The following TENM2 variants were observed in gnomAD, a reference collection of about 807,000 sequenced individuals.
TENM2 encodes teneurin transmembrane protein 2, also known as teneurin-2.
Under a neutral mutation model 245.2 loss-of-function variants are expected in TENM2, and 52 were observed. The ratio of observed to expected loss-of-function variants is 0.21; its 90% confidence interval spans 0.17 to 0.27. The LOEUF is 0.27. Among genes scored for constraint, TENM2 ranks in the 10% least tolerant of loss-of-function variants. TENM2 has a pLI of 1.00. For synonymous variants in TENM2, 1,363 were observed against 1,438.9 expected (o/e 0.95, Z 1.19); for missense variants, 3,046 against 3,666.8 (o/e 0.83, Z 4.37).
In TENM2 at chr5:167,803,635, G is replaced by T. The variant is rs564953569; in HGVS notation, c.503-72351G>T. The stretch of plus-strand genomic sequence containing the variant: ...AGTAATATTACTATGCAGAACAGAG[G>T]CATAAATACTTTGATTCAGAGGATA... On this transcript the variant is annotated intron_variant, in intron 2 of 28. Transcript: ENST00000518659. Among the ~76,000 whole-genome samples the T allele has an allele frequency of 1.8e-4, 27 of 152,082 alleles. No individual in the cohort carries two copies. In the South Asian group the frequency reaches 5.4e-3, roughly 30 times the overall value.
chr5:168,179,039 C>T (rs951360792), intron 13 of TENM2, among the ~76,000 whole-genome samples: 1 of 150,354 alleles, frequency 6.7e-6, no homozygotes, highest in Non-Finnish European at 1.5e-5. Context: ...GGAGGCTGAG[C>T]CAGGAGAATC....
chr5:167,805,419 T>C (rs114066483), intron 2 of TENM2, among the ~76,000 whole-genome samples: 2,077 of 152,260 alleles, frequency 0.014, 46 homozygotes, highest in African/African-American at 0.047. Context: ...ATTCTTGGAA[T>C]GAACCAAATG....
chr5:168,112,806 A>G (rs779086942), intron 9 of TENM2, among the ~76,000 whole-genome samples: 8 of 152,106 alleles, frequency 5.3e-5, no homozygotes, highest in Non-Finnish European at 8.8e-5. Context: ...TCCATGACCT[A>G]AATATTACAT....
At chr5:168,032,782 G>C (rs1787257885) in intron 5 of TENM2, among the ~76,000 whole-genome samples, 1 of 152,122 alleles carries the variant, frequency 6.6e-6, no homozygotes, top group Non-Finnish European at 1.5e-5. Context: ...TTCCTTCCTA[G>C]ACCACTGTGT....
rs78137768 is a variant in TENM2, at chr5:167,701,983, G to T, written c.503-174003G>T. 1.4e-4 allele frequency among the ~76,000 whole-genome samples: 22 copies of T among 152,210 alleles called. No individual in the cohort carries two copies. The East Asian group carries it at 3.9e-3, about 27-fold the overall frequency. ...GTTTTGGCAAGTAGAGGTATATCCT[G>T]CTTTAATCAACCCATCAGGCTTATT... On this transcript the variant is annotated intron_variant, in intron 2 of 28. Coordinates refer to ENST00000518659, the Ensembl canonical transcript of TENM2.
At chr5:167,742,889 GC>G (rs1032315408) in intron 2 of TENM2, among the ~76,000 whole-genome samples, 1 of 151,942 alleles carries the variant, frequency 6.6e-6, no homozygotes, top group African/African-American at 2.4e-5. Context: ...CACAACTTGA[GC>G]CCAGGGGTTT....
chr5:167,040,187 C>A, the TENM2 span, among the ~76,000 whole-genome samples: 1 of 151,994 alleles, frequency 6.6e-6, no homozygotes, highest in Non-Finnish European at 1.5e-5. Context: ...TGCTTTACAA[C>A]AAAACTTTCT....
chr5:167,552,729 C>G (rs1185337826), intron 2 of TENM2, among the ~76,000 whole-genome samples: 1 of 152,146 alleles, frequency 6.6e-6, no homozygotes, highest in Non-Finnish European at 1.5e-5. Flanking sequence ...GCGTATATGA[C>G]TGAGATTTCT....
chr5:168,022,358 A>G (rs1383922351), intron 5 of TENM2, among the ~76,000 whole-genome samples: 1 of 152,200 alleles, frequency 6.6e-6, no homozygotes, highest in African/African-American at 2.4e-5. Context: ...ATCAATAGTT[A>G]TTGAATTGGT....
chr5:167,814,453 CAAAA>C (rs11324953), intron 2 of TENM2, among the ~76,000 whole-genome samples: 3 of 83,928 alleles, frequency 3.6e-5, no homozygotes, highest in Non-Finnish European at 4.8e-5. Context: ...CACTCCGATT[CAAAA>C]AAAAAAAAAA....
At chr5:167,767,402 T>C (rs995483881) in intron 2 of TENM2, among the ~76,000 whole-genome samples, 2 of 152,196 alleles carry the variant, frequency 1.3e-5, no homozygotes, top group Non-Finnish European at 2.9e-5. Flanking sequence ...AGAGAAATGA[T>C]GGACTGCAGG....
At chr5:167,163,356 G>T in the TENM2 span, among the ~76,000 whole-genome samples, 3 of 152,144 alleles carry the variant, frequency 2.0e-5, no homozygotes, top group Non-Finnish European at 4.4e-5. Flanking sequence ...CTCCCAAAAT[G>T]CTGGGATTAC....
chr5:167,350,776 G>A (rs1448914650), intron 1 of TENM2, among the ~76,000 whole-genome samples: 1 of 140,334 alleles, frequency 7.1e-6, no homozygotes, highest in Non-Finnish European at 1.5e-5. Context: ...ATATATATAT[G>A]GGATATATAC....
At chr5:168,147,235 T>A (rs567473956) in intron 12 of TENM2, among the ~76,000 whole-genome samples, 2 of 152,354 alleles carry the variant, frequency 1.3e-5, no homozygotes, top group Non-Finnish European at 2.9e-5. Context: ...AGGCGTAAAT[T>A]GAACAGCATG....
intron 2 of TENM2, among the ~76,000 whole-genome samples, chr5:167,798,167 G>A (rs748841753): frequency 3.9e-5 from 6 of 152,252 alleles, no homozygotes; most frequent in Non-Finnish European, 5.9e-5. Flanking sequence ...TGGGATTCAC[G>A]TCCAGGCGCA....
the TENM2 span, among the ~76,000 whole-genome samples, chr5:167,034,629 CAAAA>C: frequency 1.5e-4 from 11 of 72,244 alleles, no homozygotes; most frequent in Admixed American, 2.3e-3. Context: ...GACTCCGTCT[CAAAA>C]AAAAAAAAAA....
At chr5:168,099,173 G>T (rs148298858) in intron 9 of TENM2, among the ~76,000 whole-genome samples, 1 of 151,820 alleles carries the variant, frequency 6.6e-6, no homozygotes, top group East Asian at 1.9e-4. Flanking sequence ...TCCTCCCAAA[G>T]TGCTAGGATT....
intron 2 of TENM2, among the ~76,000 whole-genome samples, chr5:167,398,414 C>CTTTCTT (rs1376356033): frequency 1.1e-5 from 1 of 88,452 alleles, no homozygotes; most frequent in Non-Finnish European, 2.2e-5. Flanking sequence ...TTCTTTCTTT[C>CTTTCTT]TCTCTCTCTC....
intron 2 of TENM2, chr5:167,574,062 A>C (rs2127666015): frequency 6.6e-6 from 1 of 152,276 alleles, no homozygotes; most frequent in East Asian, 1.9e-4. Context: ...CGAGTGGCTT[A>C]GTTAAATCTC....
Sources: gnomAD v4.1 joint callset for allele counts (sites outside exome capture counted in the v4.1 genomes callset) on GRCh38, gnomAD v4.1.1 for gene constraint, MANE v1.5 for transcripts, NCBI Gene and HGNC (gene_info 2026-07-23, HGNC 2026-07-21) for gene names.